The following C12orf54 variants were observed in gnomAD, a reference collection of about 807,000 sequenced individuals.
C12orf54 encodes chromosome 12 open reading frame 54, also known as uncharacterized protein C12orf54.
In C12orf54, 24 loss-of-function variants were observed where a neutral mutation model predicts 26.4. The observed-to-expected ratio is 0.91, with a 90% CI of 0.66 to 1.28. The LOEUF is 1.28. C12orf54 is among the 50% of genes most tolerant of loss of function. The pLI is 0.00. For missense variants in C12orf54, 154 were observed against 150.9 expected (o/e 1.02, Z -0.11); for synonymous variants, 54 against 47.0 (o/e 1.15, Z -0.61).
At chr12:48,460,747 A>G in the C12orf54 span, among the ~76,000 whole-genome samples, 2 of 152,182 alleles carry the variant, frequency 1.3e-5, no homozygotes, top group South Asian at 4.1e-4. Context: ...TTAAAGATAT[A>G]AGCTATAAAC....
the C12orf54 span, among the ~76,000 whole-genome samples, chr12:48,432,929 G>A: frequency 6.7e-6 from 1 of 150,128 alleles, no homozygotes; most frequent in African/African-American, 2.4e-5. Context: ...TAATTAAAAT[G>A]TAATGTTAAA....
the C12orf54 span, among the ~76,000 whole-genome samples, chr12:48,418,815 A>T: frequency 6.6e-6 from 1 of 152,142 alleles, no homozygotes. Context: ...TGTTAAAAAA[A>T]ATTTTAATAT....
intron 2 of C12orf54, among the ~76,000 whole-genome samples, chr12:48,485,179 C>T (rs1954244737): frequency 6.6e-6 from 1 of 152,124 alleles, no homozygotes; most frequent in African/African-American, 2.4e-5. Flanking sequence ...TGGGCTCAAG[C>T]AATCCTCCTG....
At chr12:48,482,795 G>A (rs1376921251) in intron 1 of C12orf54, among the ~76,000 whole-genome samples, 1 of 151,410 alleles carries the variant, frequency 6.6e-6, no homozygotes, top group Non-Finnish European at 1.5e-5. Flanking sequence ...TGAAAATTCT[G>A]ACTGAGGTGG....
At chr12:48,435,242 CA>C in the C12orf54 span, among the ~76,000 whole-genome samples, 1 of 152,068 alleles carries the variant, frequency 6.6e-6, no homozygotes, top group African/African-American at 2.4e-5. Context: ...ACAAAGCCTC[CA>C]AGAAATATGG....
chr12:48,437,090 A>G, the C12orf54 span, among the ~76,000 whole-genome samples: 3 of 152,240 alleles, frequency 2.0e-5, no homozygotes, highest in African/African-American at 7.2e-5. Context: ...TCCCACAGAA[A>G]TACAAACTAC....
At chr12:48,449,328 A>C in the C12orf54 span, among the ~76,000 whole-genome samples, 1 of 152,234 alleles carries the variant, frequency 6.6e-6, no homozygotes, top group African/African-American at 2.4e-5. Flanking sequence ...GGATGGCTTC[A>C]TGGGGCCATT....
At chr12:48,472,881 A>C in the C12orf54 span, 1 of 1,614,192 alleles carries the variant, frequency 6.2e-7, no homozygotes, top group South Asian at 1.1e-5. Flanking sequence ...TGAACTAAGC[A>C]GTAACAGAGC....
chr12:48,458,023 A>G, the C12orf54 span, among the ~76,000 whole-genome samples: 2 of 152,196 alleles, frequency 1.3e-5, no homozygotes, highest in African/African-American at 2.4e-5. Flanking sequence ...CCCAGGAACA[A>G]TTGCTGAAGG....
the C12orf54 span, among the ~76,000 whole-genome samples, chr12:48,429,566 C>G: frequency 6.7e-6 from 1 of 149,746 alleles, no homozygotes; most frequent in African/African-American, 2.5e-5. Context: ...ACCCCTTTTA[C>G]AATAGCTGCA....
At chr12:48,446,847 T>C in the C12orf54 span, among the ~76,000 whole-genome samples, 11 of 152,320 alleles carry the variant, frequency 7.2e-5, no homozygotes, top group Middle Eastern at 3.4e-3. Flanking sequence ...GAACTGAAAA[T>C]CTTAATAGCT....
intron 4 of C12orf54, chr12:48,487,798 A>G (rs972156224): frequency 4.4e-6 from 2 of 452,594 alleles, no homozygotes; most frequent in Non-Finnish European, 7.9e-6. Context: ...AGATACAACC[A>G]TCTTAAAGTT....
At position 48,483,427 on chromosome 12, in the gene C12orf54, G is replaced by A; in HGVS notation, c.65+66G>A. On this transcript the variant is annotated intron_variant, in intron 2 of 8. Transcript: ENST00000548364. ...CTATACTCTATGGGAGAAGAACCAG[G>A]GCCTCCTGTCTTCTATGGCTCTTCA... 3.3e-6 allele frequency: 5 copies of A among 1,493,614 alleles called. No individual in the cohort carries two copies. The South Asian group carries it at 4.7e-5, about 14-fold the overall frequency. 92.5% of individuals were successfully genotyped at this position (1,493,614 alleles called of 1,614,324 possible). A position where few individuals can be genotyped will look rare whatever the true frequency, so the allele number is the denominator to read the frequency against.
intron 2 of C12orf54, among the ~76,000 whole-genome samples, chr12:48,485,215 C>G (rs1237617544): frequency 6.6e-6 from 1 of 152,128 alleles, no homozygotes; most frequent in Non-Finnish European, 1.5e-5. Context: ...TAAGCTAGGA[C>G]TACAAGTGCC....
chr12:48,431,078 A>G, the C12orf54 span, among the ~76,000 whole-genome samples: 4 of 152,342 alleles, frequency 2.6e-5, no homozygotes, highest in Admixed American at 2.0e-4. Context: ...GTTCTCACCC[A>G]TATGTGGGAC....
chr12:48,429,344 A>C, the C12orf54 span, among the ~76,000 whole-genome samples: 9 of 152,158 alleles, frequency 5.9e-5, no homozygotes, highest in East Asian at 1.5e-3. Flanking sequence ...AAAGAAATAA[A>C]GGGCATCCAA....
intron 4 of C12orf54, chr12:48,487,877 A>G: frequency 1.8e-6 from 1 of 567,610 alleles, no homozygotes; most frequent in Non-Finnish European, 3.2e-6. Flanking sequence ...TGGCTGGGTA[A>G]CACAGTAGGT....
the C12orf54 span, among the ~76,000 whole-genome samples, chr12:48,451,848 T>G: frequency 1.3e-5 from 2 of 152,026 alleles, no homozygotes; most frequent in African/African-American, 4.8e-5. Context: ...ATGGCACAAA[T>G]AGAAAAACAT....
chr12:48,434,972 G>A, the C12orf54 span, among the ~76,000 whole-genome samples: 3 of 152,146 alleles, frequency 2.0e-5, no homozygotes, highest in African/African-American at 7.2e-5. Flanking sequence ...TGAGCTAAAA[G>A]AGGAAGTTTG....
Sources: gnomAD v4.1 joint callset for allele counts (sites outside exome capture counted in the v4.1 genomes callset) on GRCh38, gnomAD v4.1.1 for gene constraint, MANE v1.5 for transcripts, NCBI Gene and HGNC (gene_info 2026-07-23, HGNC 2026-07-21) for gene names.